CTNNA3: variants seen among roughly 807,000 people sequenced by gnomAD.
The protein encoded by CTNNA3 is catenin alpha 3, also known as catenin alpha-3.
In CTNNA3, 76 loss-of-function variants were observed where a neutral mutation model predicts 95.7. The observed-to-expected ratio is 0.79, with a 90% confidence interval of 0.66 to 0.96. The LOEUF is 0.96. Among genes scored for constraint, CTNNA3 ranks in the 40% least tolerant of loss-of-function variants. CTNNA3 has a pLI of 0.00. For missense variants in CTNNA3, 1,191 were observed against 1,089.8 expected (o/e 1.09, Z -1.31); for synonymous variants, 431 against 374.4 (o/e 1.15, Z -1.74).
At chr10:67,081,822 T>C (rs900488838) in intron 7 of CTNNA3, among the ~76,000 whole-genome samples, 1 of 152,198 alleles carries the variant, frequency 6.6e-6, no homozygotes, top group African/African-American at 2.4e-5. Context: ...AGGTCTTTCC[T>C]GATCCTAGCC....
At chr10:66,884,588 A>G (rs1393672069) in intron 7 of CTNNA3, among the ~76,000 whole-genome samples, 2 of 152,106 alleles carry the variant, frequency 1.3e-5, no homozygotes, top group Non-Finnish European at 2.9e-5. Flanking sequence ...TCACATAAAC[A>G]CAGCCCCAGT....
chr10:66,616,089 G>C (rs1361690349), intron 10 of CTNNA3, among the ~76,000 whole-genome samples: 1 of 151,982 alleles, frequency 6.6e-6, no homozygotes, highest in Non-Finnish European at 1.5e-5. Flanking sequence ...CACACCTGTA[G>C]TACTCCAGCA....
At chr10:66,737,207 A>T (rs1481344319) in intron 9 of CTNNA3, among the ~76,000 whole-genome samples, 1 of 152,152 alleles carries the variant, frequency 6.6e-6, no homozygotes, top group East Asian at 1.9e-4. Flanking sequence ...AGTTCACTTA[A>T]ATTTTCAGTA....
intron 5 of CTNNA3, among the ~76,000 whole-genome samples, chr10:67,394,279 C>G (rs1844635928): frequency 3.4e-5 from 5 of 148,450 alleles, no homozygotes; most frequent in African/African-American, 1.2e-4. Flanking sequence ...AATAATGGAG[C>G]ATGAATAGAA....
At chr10:66,728,807 C>T (rs931047270) in intron 9 of CTNNA3, among the ~76,000 whole-genome samples, 3 of 152,198 alleles carry the variant, frequency 2.0e-5, no homozygotes, top group East Asian at 1.9e-4. Flanking sequence ...AGGCTGATCT[C>T]GAACTCCTGA....
chr10:67,296,699 C>T (rs1406179495), intron 5 of CTNNA3, among the ~76,000 whole-genome samples: 4 of 151,624 alleles, frequency 2.6e-5, no homozygotes, highest in African/African-American at 9.7e-5. Flanking sequence ...TTTGGGAGGC[C>T]GAGGCAGGAA....
chr10:66,575,114 T>G (rs979896869), intron 10 of CTNNA3, among the ~76,000 whole-genome samples: 1 of 152,168 alleles, frequency 6.6e-6, no homozygotes, highest in African/African-American at 2.4e-5. Context: ...AGAATTTGAC[T>G]GTAAACCCAT....
In CTNNA3 at chr10:66,688,963, C is replaced by CA. The variant is rs58515946; in HGVS notation, c.1282-67180dup. ...TGGGCCACAGAGCAAGACTCCATCT[C>CA]AAAAAAAAAAAAAAAAAGAGCAGGG... On this transcript the variant is annotated intron_variant, in intron 9 of 17. Transcript: ENST00000433211. 1.0e-2 allele frequency among the ~76,000 whole-genome samples: 866 copies of CA among 86,664 alleles called. 5 individuals carry two copies. Among genetic ancestry groups the CA allele is most frequent in the Admixed American group, 0.028 (209 of 7,404 alleles). 56.9% of individuals were successfully genotyped at this position (86,664 alleles called of 152,430 possible). A position where few individuals can be genotyped will look rare whatever the true frequency, so the allele number is the denominator to read the frequency against.
intron 14 of CTNNA3, among the ~76,000 whole-genome samples, chr10:66,081,269 T>C (rs746094748): frequency 6.6e-6 from 1 of 152,060 alleles, no homozygotes; most frequent in African/African-American, 2.4e-5. Flanking sequence ...TGAATCATCC[T>C]ATGGTGGCAA....
chr10:67,446,667 G>A (rs1846760783), intron 5 of CTNNA3, among the ~76,000 whole-genome samples: 1 of 152,092 alleles, frequency 6.6e-6, no homozygotes, highest in Non-Finnish European at 1.5e-5. Flanking sequence ...GATCTTACCA[G>A]TTTCATGACC....
chr10:67,717,839 TTC>T (rs1424606810), intron 1 of CTNNA3, among the ~76,000 whole-genome samples: 1 of 152,226 alleles, frequency 6.6e-6, no homozygotes, highest in Admixed American at 6.5e-5. Flanking sequence ...AAGTAGTTTT[TTC>T]TAATTCTATG....
intron 7 of CTNNA3, among the ~76,000 whole-genome samples, chr10:66,936,870 T>C (rs1847731804): frequency 6.6e-6 from 1 of 152,108 alleles, no homozygotes; most frequent in African/African-American, 2.4e-5. Context: ...TAAATAGAGA[T>C]GAAAGTCTTC....
chr10:66,556,989 C>A (rs1019827780), intron 10 of CTNNA3, among the ~76,000 whole-genome samples: 1 of 151,882 alleles, frequency 6.6e-6, no homozygotes, highest in Admixed American at 6.6e-5. Context: ...TAAATATATA[C>A]AATTTTATTA....
At chr10:66,461,685 G>GTATATATATATATATATATATATATA (rs141247399) in intron 11 of CTNNA3, among the ~76,000 whole-genome samples, 1 of 140,142 alleles carries the variant, frequency 7.1e-6, no homozygotes, top group Non-Finnish European at 1.5e-5. Flanking sequence ...ATATATATAT[G>GTATATATATATATATATATATATATA]TATATATATA....
chr10:67,739,687 G>C (rs1841323819), intron 1 of CTNNA3, among the ~76,000 whole-genome samples: 1 of 152,126 alleles, frequency 6.6e-6, no homozygotes, highest in African/African-American at 2.4e-5. Flanking sequence ...AACATTCCAT[G>C]GTCATGGATA....
intron 7 of CTNNA3, among the ~76,000 whole-genome samples, chr10:67,041,300 G>A (rs1055841978): frequency 1.2e-4 from 18 of 152,086 alleles, no homozygotes; most frequent in African/African-American, 4.1e-4. Context: ...GCCTTATGGA[G>A]AGTTAAGGCT....
At chr10:66,834,269 TAA>T (rs898077527) in intron 7 of CTNNA3, among the ~76,000 whole-genome samples, 2 of 152,186 alleles carry the variant, frequency 1.3e-5, no homozygotes, top group African/African-American at 4.8e-5. Context: ...CACAGATCTA[TAA>T]AAGACACCCT....
intron 7 of CTNNA3, among the ~76,000 whole-genome samples, chr10:67,121,299 GT>G (rs76767669): frequency 0.026 from 3,892 of 152,124 alleles, 161 homozygotes; most frequent in East Asian, 0.14. Context: ...TTTGTAAGAA[GT>G]TTATGGAAAT....
chr10:66,959,810 T>C (rs1042838944), intron 7 of CTNNA3, among the ~76,000 whole-genome samples: 1 of 152,140 alleles, frequency 6.6e-6, no homozygotes, highest in East Asian at 1.9e-4. Flanking sequence ...GTAAGAAACT[T>C]TGCTGACACA....
Sources: gnomAD v4.1 joint callset for allele counts (sites outside exome capture counted in the v4.1 genomes callset) on GRCh38, gnomAD v4.1.1 for gene constraint, MANE v1.5 for transcripts, NCBI Gene and HGNC (gene_info 2026-07-23, HGNC 2026-07-21) for gene names.